Variants in CDH6 observed in about 807,000 individuals in gnomAD.
CDH6 encodes cadherin-6.
CDH6 carries 31 observed loss-of-function variants against 78.0 expected under a neutral mutation model. That is an observed-to-expected ratio of 0.40 (90% confidence interval 0.30 to 0.54). The LOEUF (loss-of-function observed/expected upper bound fraction) is 0.54. Among genes scored for constraint, CDH6 ranks in the 20% least tolerant of loss-of-function variants. The pLI is 0.56. For synonymous variants in CDH6, 376 were observed against 368.8 expected (o/e 1.02, Z -0.23); for missense variants, 724 against 975.9 (o/e 0.74, Z 3.44).
At chr5:31,210,621 C>G (rs1180790988) in intron 1 of CDH6, among the ~76,000 whole-genome samples, 2 of 152,152 alleles carry the variant, frequency 1.3e-5, no homozygotes, top group African/African-American at 4.8e-5. Context: ...CTTCCCCCAG[C>G]AGATACCAAA....
At position 31,267,414 on chromosome 5, in the gene CDH6, GA is replaced by G; in HGVS notation, c.-55del. 6.2e-6 allele frequency: 8 copies of G among 1,288,328 alleles called. No homozygotes were observed. The highest frequency in any genetic ancestry group is 7.9e-6 in the Non-Finnish European group (7 of 886,820). The allele number at this position is 1,288,328 out of a possible 1,614,324, so 79.8% of individuals were successfully genotyped here. The stretch of plus-strand genomic sequence containing the variant: ...GGAATGAGGCTGGATACGGTGCAGT[GA>G]AAAAGGCACTTCCAAGAGTGGGGCA... On this transcript the variant is annotated 5_prime_UTR_variant, in exon 2 of 12. Transcript: ENST00000265071.
chr5:31,227,967 AG>A (rs1741209011), intron 1 of CDH6, among the ~76,000 whole-genome samples: 1 of 152,220 alleles, frequency 6.6e-6, no homozygotes, highest in African/African-American at 2.4e-5. Context: ...CAGAGGTCAG[AG>A]GTGATTACAG....
At chr5:31,210,059 G>A (rs1195646811) in intron 1 of CDH6, among the ~76,000 whole-genome samples, 1 of 143,664 alleles carries the variant, frequency 7.0e-6, no homozygotes, top group African/African-American at 2.7e-5. Context: ...CCATTCTTGG[G>A]ACCAGCTTTT....
At position 31,199,718 on chromosome 5, in the gene CDH6, T is replaced by TATATATAC. The variant is rs1177055995; in HGVS notation, c.-129+5832_-129+5833insATATATAC. On this transcript the variant is annotated intron_variant, in intron 1 of 11. Transcript: ENST00000265071. ...ATATATATATATATATATATATATC[T>TATATATAC]CAAAGATAAAAAGCACTCACCAGTA... 1.1e-4 allele frequency among the ~76,000 whole-genome samples: 9 copies of TATATATAC among 78,330 alleles called. No individual in the cohort carries two copies. The East Asian group carries it at 3.4e-3, about 30-fold the overall frequency. The allele number at this position is 78,330 out of a possible 152,430, so 51.4% of individuals were successfully genotyped here.
chr5:31,270,792 G>A (rs981276585), intron 2 of CDH6, among the ~76,000 whole-genome samples: 1 of 151,824 alleles, frequency 6.6e-6, no homozygotes, highest in African/African-American at 2.4e-5. Flanking sequence ...GACTTCCTGG[G>A]CTCAAGATGT....
intron 7 of CDH6, among the ~76,000 whole-genome samples, chr5:31,307,981 A>G (rs1011268253): frequency 1.3e-5 from 2 of 152,150 alleles, no homozygotes; most frequent in Non-Finnish European, 2.9e-5. Flanking sequence ...TGATACGTAG[A>G]TATAGATTTA....
chr5:31,286,888 G>C (rs1021088081), intron 2 of CDH6, among the ~76,000 whole-genome samples: 5 of 152,170 alleles, frequency 3.3e-5, no homozygotes. Flanking sequence ...ATATACATAA[G>C]AGGTAGAATT....
chr5:31,315,311 C>T (rs1435197695), intron 8 of CDH6, among the ~76,000 whole-genome samples: 2 of 152,162 alleles, frequency 1.3e-5, no homozygotes, highest in African/African-American at 2.4e-5. Flanking sequence ...ATGTTTCCTA[C>T]GTGCCCCAAC....
intron 6 of CDH6, among the ~76,000 whole-genome samples, chr5:31,302,890 A>G (rs112434464): frequency 0.44 from 59,939 of 136,102 alleles, 14,603 homozygotes; most frequent in East Asian, 0.52. Flanking sequence ...AAGGAAGGAA[A>G]GAAAGAAAGA....
At chr5:31,296,283 C>T (rs996800546) in intron 3 of CDH6, among the ~76,000 whole-genome samples, 11 of 152,018 alleles carry the variant, frequency 7.2e-5, no homozygotes, top group Non-Finnish European at 1.2e-4. Flanking sequence ...CTTATCCTTT[C>T]GGGAAGTCAC....
chr5:31,320,584 C>A (rs1738454560), intron 11 of CDH6, among the ~76,000 whole-genome samples: 1 of 152,120 alleles, frequency 6.6e-6, no homozygotes, highest in African/African-American at 2.4e-5. Context: ...ACACTGGCAA[C>A]CAGTATGAAA....
chr5:31,267,557 T>C lies in CDH6; in HGVS notation c.84T>C (p.Thr28=), dbSNP rs1415236458. 1.9e-6 allele frequency: 3 copies of C among 1,614,048 alleles called. No homozygotes were observed. The highest frequency in any genetic ancestry group is 2.5e-6 in the Non-Finnish European group (3 of 1,180,016). ...TCTCAACTCCACTATCAAAGAGGAC[T>C]AGTGGTTTCCCAGCAAAGAAAAGGG... ...PTLSTPLSKR[T]SGFPAKKRAL... is the part of the protein sequence containing the mutation. Residue 28 remains threonine (T), a synonymous_variant, in exon 2 of 12, where the codon ACT becomes ACC. Transcript: ENST00000265071.
At chr5:31,293,581 C>T (rs188419670) in intron 2 of CDH6, among the ~76,000 whole-genome samples, 18 of 152,148 alleles carry the variant, frequency 1.2e-4, no homozygotes, top group African/African-American at 2.9e-4. Flanking sequence ...CAAGTGAGGG[C>T]GAGAGTGTAT....
At chr5:31,216,242 G>A (rs1561027267) in intron 1 of CDH6, among the ~76,000 whole-genome samples, 1 of 151,778 alleles carries the variant, frequency 6.6e-6, no homozygotes, top group Non-Finnish European at 1.5e-5. Flanking sequence ...TCAGTTGCAC[G>A]TAAACATTAC....
intron 1 of CDH6, among the ~76,000 whole-genome samples, chr5:31,220,018 A>G (rs1740965647): frequency 6.6e-6 from 1 of 152,158 alleles, no homozygotes. Flanking sequence ...ATTGTCTTAA[A>G]CCTCTCTTTT....
Position 31,306,566 on chromosome 5 carries a change from T to G in CDH6, c.1253+1139T>G, listed in dbSNP as rs534952410. ...GGGCAGATCACTTGAGGTCAGGAGT[T>G]CAAGAAAAGTGCTAGACCAGAATAG... On this transcript the variant is annotated intron_variant, in intron 7 of 11. Coordinates refer to ENST00000265071, the MANE Select transcript of CDH6 (RefSeq NM_004932.4). Among the ~76,000 whole-genome samples, 9 of 152,138 alleles carry G rather than the reference T, an allele frequency of 5.9e-5. No individual in the cohort carries two copies. In the South Asian group the frequency reaches 1.9e-3, roughly 32 times the overall value.
chr5:31,280,499 A>G (rs1266063506), intron 2 of CDH6, among the ~76,000 whole-genome samples: 1 of 152,016 alleles, frequency 6.6e-6, no homozygotes, highest in East Asian at 1.9e-4. Flanking sequence ...ACAGTACCAA[A>G]GCTGAGGCTA....
At chr5:31,203,685 G>A (rs185040493) in intron 1 of CDH6, among the ~76,000 whole-genome samples, 9,475 of 151,652 alleles carry the variant, frequency 0.062, 607 homozygotes, top group East Asian at 0.37. Flanking sequence ...CTTTGCTATC[G>A]TGAATAATGC....
At position 31,328,977 on chromosome 5, in the gene CDH6, A is replaced by G; in HGVS notation, c.*5669A>G. ...TGTTGCAGTCAAATGGCAAATACGC[A>G]CTCCTTGAAATGGCTTCTTTTATTT... is the stretch of plus-strand genomic sequence containing the variant. On this transcript the variant is annotated 3_prime_UTR_variant, in exon 12 of 12. Transcript: ENST00000265071. 4.5e-6 allele frequency: 1 copy of G among 220,252 alleles called. No individual in the cohort carries two copies. The highest frequency in any genetic ancestry group is 9.1e-6 in the Non-Finnish European group (1 of 110,062). 13.6% of individuals were successfully genotyped at this position (220,252 alleles called of 1,614,324 possible).
Sources: allele counts gnomAD v4.1 joint callset (sites outside exome capture counted in the v4.1 genomes callset), GRCh38; gene constraint gnomAD v4.1.1; transcripts MANE v1.5; gene names NCBI Gene and HGNC (gene_info 2026-07-23, HGNC 2026-07-21).